Variants in SKAP1 observed in about 807,000 individuals in gnomAD.
SKAP1 encodes src kinase associated phosphoprotein 1.
A neutral mutation model predicts 58.5 loss-of-function variants in SKAP1; 44 were observed. The observed-to-expected ratio is 0.75, with a 90% confidence interval of 0.59 to 0.97. The LOEUF is 0.97. Among genes scored for constraint, SKAP1 ranks in the 50% least tolerant of loss-of-function variants. The probability of loss-of-function intolerance (pLI) is 0.00; values close to 1 mark genes in which losing one functional copy is unlikely to be tolerated. For missense variants in SKAP1, 390 were observed against 435.2 expected (o/e 0.90, Z 0.92); for synonymous variants, 127 against 149.7 (o/e 0.85, Z 1.11).
chr17:48,307,879 C>A (rs553257404), intron 4 of SKAP1: 1 of 152,236 alleles, frequency 6.6e-6, no homozygotes, highest in East Asian at 1.9e-4. Context: ...TATCCCTTAC[C>A]ACTTTCCGCA....
intron 2 of SKAP1, among the ~76,000 whole-genome samples, chr17:48,385,249 G>A (rs2067261644): frequency 6.6e-6 from 1 of 151,934 alleles, no homozygotes; most frequent in Non-Finnish European, 1.5e-5. Flanking sequence ...TAGTGACTGG[G>A]AAGTGACTAG....
At position 48,430,031 on chromosome 17, in the gene SKAP1, G is replaced by A. The variant is rs1473487739; in HGVS notation, c.46+44C>T. On this transcript the variant is annotated intron_variant, in intron 1 of 12. Transcript: ENST00000336915. ...CGTGGGAGGCCTGGTGTCCCCTTTCGGCCTTCGGCTCAGCACTGGAGGGGG... is the reference window on the plus strand; with the variant it reads ...CGTGGGAGGCCTGGTGTCCCCTTTCAGCCTTCGGCTCAGCACTGGAGGGGG... The A allele has an allele frequency of 6.4e-6, 8 of 1,257,482 alleles. No homozygotes were observed. In the African/African-American group the frequency reaches 7.7e-5, roughly 12 times the overall value. The allele number at this position is 1,257,482 out of a possible 1,614,324, so 77.9% of individuals were successfully genotyped here. A position where few individuals can be genotyped will look rare whatever the true frequency, so the allele number is the denominator to read the frequency against.
intron 2 of SKAP1, among the ~76,000 whole-genome samples, chr17:48,364,223 C>T (rs1474684349): frequency 6.6e-6 from 1 of 152,106 alleles, no homozygotes. Flanking sequence ...GTTGTTATAA[C>T]AGTCAAACCC....
chr17:48,374,747 G>A (rs907886398), intron 2 of SKAP1, among the ~76,000 whole-genome samples: 1 of 152,216 alleles, frequency 6.6e-6, no homozygotes, highest in African/African-American at 2.4e-5. Context: ...TTCTGAAAGT[G>A]TCCCATCTAC....
chr17:48,341,511 G>A (rs1436830834), intron 4 of SKAP1, among the ~76,000 whole-genome samples: 3 of 152,068 alleles, frequency 2.0e-5, no homozygotes, highest in East Asian at 1.9e-4. Context: ...AAATAGCACT[G>A]TAAAAAAAGG....
chr17:48,309,368 G>A (rs1041779583), intron 4 of SKAP1, among the ~76,000 whole-genome samples: 3 of 152,060 alleles, frequency 2.0e-5, no homozygotes, highest in African/African-American at 7.2e-5. Flanking sequence ...TGAGTCCCCT[G>A]CTTCTAACAT....
At position 48,197,174 on chromosome 17, in the gene SKAP1, C is replaced by T. The variant is rs1361478179; in HGVS notation, c.281-7674G>A. On this transcript the variant is annotated intron_variant, in intron 4 of 12. Transcript: ENST00000336915. ...TTGGGAGGCTGAGGCAGGAGAATTG[C>T]TTGAACCCAGGAGGCGGATGTGGCA... is the stretch of plus-strand genomic sequence containing the variant. Among the ~76,000 whole-genome samples, 9 of 147,486 alleles carry T rather than the reference C, an allele frequency of 6.1e-5. 1 individual carries two copies. In the East Asian group the frequency reaches 1.8e-3, roughly 30 times the overall value.
the SKAP1 span, among the ~76,000 whole-genome samples, chr17:48,443,983 G>C: frequency 6.6e-6 from 1 of 151,748 alleles, no homozygotes; most frequent in African/African-American, 2.4e-5. Flanking sequence ...AAAGTAATTA[G>C]TACTAGATTA....
the SKAP1 span, among the ~76,000 whole-genome samples, chr17:48,442,342 A>G: frequency 2.0e-5 from 3 of 152,194 alleles, no homozygotes; most frequent in African/African-American, 7.2e-5. Context: ...CAGAAAAAGC[A>G]ATCTATCCAT....
chr17:48,332,179 A>G (rs1202349439), intron 4 of SKAP1, among the ~76,000 whole-genome samples: 1 of 152,110 alleles, frequency 6.6e-6, no homozygotes, highest in Non-Finnish European at 1.5e-5. Flanking sequence ...AGTTTATTAT[A>G]TTATTACAGC....
intron 1 of SKAP1, among the ~76,000 whole-genome samples, chr17:48,400,605 C>A (rs1259641852): frequency 1.3e-5 from 2 of 151,692 alleles, no homozygotes; most frequent in Non-Finnish European, 2.9e-5. Flanking sequence ...CAAAAATTAG[C>A]CAGGCATGGT....
chr17:48,424,374 C>G (rs2067831600), intron 1 of SKAP1, among the ~76,000 whole-genome samples: 1 of 151,206 alleles, frequency 6.6e-6, no homozygotes, highest in Admixed American at 6.6e-5. Context: ...TACAGGCGCC[C>G]GCCACCACGC....
intron 4 of SKAP1, among the ~76,000 whole-genome samples, chr17:48,254,660 C>T (rs184530281): frequency 2.7e-5 from 4 of 149,634 alleles, no homozygotes; most frequent in East Asian, 1.9e-4. Flanking sequence ...ATTTACTGAA[C>T]GCCTACTAGA....
intron 11 of SKAP1, among the ~76,000 whole-genome samples, chr17:48,160,376 A>G (rs1477126951): frequency 6.6e-6 from 1 of 151,974 alleles, no homozygotes; most frequent in Non-Finnish European, 1.5e-5. Flanking sequence ...GGGCTCAAGC[A>G]TCCTCCTGCC....
At chr17:48,264,422 T>C (rs985290119) in intron 4 of SKAP1, among the ~76,000 whole-genome samples, 1 of 152,190 alleles carries the variant, frequency 6.6e-6, no homozygotes, top group Non-Finnish European at 1.5e-5. Context: ...GTATATGAGA[T>C]TCAATGTACA....
intron 4 of SKAP1, among the ~76,000 whole-genome samples, chr17:48,286,199 C>T (rs1278203001): frequency 1.3e-5 from 2 of 152,160 alleles, no homozygotes. Context: ...AGAAGATCTG[C>T]TGTATAAGAC....
At chr17:48,169,414 G>A (rs979891527) in intron 10 of SKAP1, among the ~76,000 whole-genome samples, 1 of 152,206 alleles carries the variant, frequency 6.6e-6, no homozygotes, top group Non-Finnish European at 1.5e-5. Flanking sequence ...GGGCGGGTCA[G>A]AACAGATTTT....
chr17:48,416,375 T>C (rs1447231664), intron 1 of SKAP1, among the ~76,000 whole-genome samples: 1 of 152,144 alleles, frequency 6.6e-6, no homozygotes, highest in African/African-American at 2.4e-5. Flanking sequence ...TTGTTGGGTT[T>C]GTGGAGGAGA....
intron 4 of SKAP1, among the ~76,000 whole-genome samples, chr17:48,208,699 C>T (rs2064836904): frequency 6.6e-6 from 1 of 152,226 alleles, no homozygotes; most frequent in African/African-American, 2.4e-5. Flanking sequence ...ACAGTTTACA[C>T]CAACAAAGGT....
Sources: gnomAD v4.1 joint callset for allele counts (sites outside exome capture counted in the v4.1 genomes callset) on GRCh38, gnomAD v4.1.1 for gene constraint, MANE v1.5 for transcripts, NCBI Gene and HGNC (gene_info 2026-07-23, HGNC 2026-07-21) for gene names.